CD180: variants seen among roughly 807,000 people sequenced by gnomAD.
CD180 encodes the protein CD180 molecule.
In CD180, 11 loss-of-function variants were observed where a neutral mutation model predicts 10.7. That is an observed-to-expected ratio of 1.03 (90% CI 0.65 to 1.70). CD180 has a LOEUF of 1.70. Ranked by LOEUF, CD180 falls within the 40% of genes most tolerant of loss-of-function variation. The probability of loss-of-function intolerance (pLI) is 0.00; values close to 1 mark genes in which losing one functional copy is unlikely to be tolerated. For synonymous variants in CD180, 286 were observed against 294.6 expected, an observed-to-expected ratio of 0.97 and a Z score of 0.30; for missense variants, 729 against 775.2, an observed-to-expected ratio of 0.94 and a Z score of 0.71.
rs202004217 is a variant in CD180, at chr5:67,184,529, G to A, written c.314C>T (p.Thr105Ile). ...DTFQSHHQLS[T>I]LVLTGNPLIF... ...CAGGGGATTTCCAGTTAACACAAGTGTGCTTAATTGATGATGGCTTTGAAA... is the reference window on the plus strand; with the variant it reads ...CAGGGGATTTCCAGTTAACACAAGTATGCTTAATTGATGATGGCTTTGAAA... The change falls in exon 3 of 3, where the codon ACA (threonine) becomes ATA (isoleucine). Residue 105 changes from threonine to isoleucine, a missense_variant. Thr to Ile is a moderately conservative substitution (Grantham distance 89, BLOSUM62 -1). Transcript: ENST00000256447. The A allele has an allele frequency of 1.4e-5, 22 of 1,609,074 alleles. No individual in the cohort carries two copies. The East Asian group carries it at 4.7e-4, about 34-fold the overall frequency.
chr5:67,183,454 A>T lies in CD180; in HGVS notation c.1389T>A (p.His463Gln), dbSNP rs201238605. The T allele has an allele frequency of 1.3e-5, 21 of 1,614,234 alleles. No homozygotes were observed. In the East Asian group the frequency reaches 4.5e-4, roughly 34 times the overall value. The change falls in exon 3 of 3, where the codon CAT becomes CAA. Residue 463 changes from histidine to glutamine, a missense_variant. Physicochemically the swap from His to Gln is conservative, Grantham distance 24. Transcript: ENST00000256447. Reference protein sequence around the residue: ...TYCFLDTSNQHLLAGLPVLRH... With the variant: ...TYCFLDTSNQQLLAGLPVLRH... ...GGAGAACTGGTAGGCCTGCTAGAAG[A>T]TGCTGATTGCTGGTATCAAGGAAGC...
intron 1 of CD180, among the ~76,000 whole-genome samples, chr5:67,194,231 G>T (rs1742358634): frequency 6.6e-6 from 1 of 152,100 alleles, no homozygotes; most frequent in African/African-American, 2.4e-5. Context: ...CTAAAGAAAG[G>T]TCACCCGTTA....
In CD180 at chr5:67,183,054, G is replaced by T; in HGVS notation, c.1789C>A (p.His597Asn). ...HFLTWYKENLHKLEGSEETTC... is the reference protein window; with the variant it reads ...HFLTWYKENLNKLEGSEETTC... ...GTCTCCTCCGAGCCTTCAAGTTTGT[G>T]CAGGTTTTCTTTGTACCATGTTAAG... Residue 597 changes from histidine to asparagine, a missense_variant, in exon 3 of 3, where the codon CAC (histidine) becomes AAC (asparagine). By Grantham distance (68) the His-to-Asn change is moderately conservative. Coordinates refer to ENST00000256447, the MANE Select transcript of CD180 (RefSeq NM_005582.3). 6.2e-7 allele frequency: 1 copy of T among 1,613,420 alleles called. No individual in the cohort carries two copies. The highest frequency in any genetic ancestry group is 8.5e-7 in the Non-Finnish European group (1 of 1,179,726).
rs371541622 is a variant in CD180, at chr5:67,183,844, G to A, written c.999C>T (p.Phe333=). The A allele has an allele frequency of 5.6e-5, 91 of 1,614,182 alleles. 2 individuals are homozygous for A. The South Asian group carries it at 6.3e-4, about 11-fold the overall frequency. Residue 333 remains phenylalanine (F), a synonymous_variant, in exon 3 of 3, where the codon TTC becomes TTT. Transcript: ENST00000256447. ...CAGCACTGATTTGACACAATTGATC[G>A]AAATGATTTACACTGAGAACTAATT... The part of the protein sequence containing the change: ...LKKLVLSVNH[F]DQLCQISAAN...
intron 2 of CD180, among the ~76,000 whole-genome samples, chr5:67,185,466 G>C (rs75626665): frequency 1.9e-3 from 294 of 152,188 alleles, no homozygotes; most frequent in African/African-American, 6.8e-3. Context: ...CAATTTGTAG[G>C]GGGGAAAAGT....
In CD180 at chr5:67,196,785, A is replaced by T; in HGVS notation, c.-144T>A. 1.4e-5 allele frequency: 8 copies of T among 585,810 alleles called. No individual in the cohort carries two copies. The highest frequency in any genetic ancestry group is 1.9e-5 in the Non-Finnish European group (7 of 359,990). The allele number at this position is 585,810 out of a possible 1,614,324, so 36.3% of individuals were successfully genotyped here. ...CAAGAAATGCTGTTGACTGCTCAGC[A>T]TTCTGTGGCTCTGTGCTGGAAAAAA... On this transcript the variant is annotated 5_prime_UTR_variant, in exon 1 of 3. It removes an upstream start codon present in the reference 5' UTR. Coordinates refer to ENST00000256447, the MANE Select transcript of CD180 (RefSeq NM_005582.3).
chr5:67,190,204 G>T (rs1189172117), intron 1 of CD180, among the ~76,000 whole-genome samples: 2 of 152,122 alleles, frequency 1.3e-5, no homozygotes, highest in Non-Finnish European at 2.9e-5. Flanking sequence ...CACATTTTTG[G>T]TAGAAATACT....
chr5:67,192,074 A>G (rs1742317172), intron 1 of CD180, among the ~76,000 whole-genome samples: 1 of 152,210 alleles, frequency 6.6e-6, no homozygotes, highest in Non-Finnish European at 1.5e-5. Flanking sequence ...ACAGGAAAAA[A>G]ATAAGTTGAG....
chr5:67,183,987 A>G lies in CD180; in HGVS notation c.856T>C (p.Phe286Leu). The G allele has an allele frequency of 3.1e-6, 5 of 1,614,210 alleles. No individual in the cohort carries two copies. The highest frequency in any genetic ancestry group is 4.2e-6 in the Non-Finnish European group (5 of 1,180,038). Residue 286 changes from phenylalanine to leucine, a missense_variant, in exon 3 of 3, where the codon TTC becomes CTC. By Grantham distance (22) the Phe-to-Leu change is conservative (BLOSUM62 0). Coordinates refer to ENST00000256447, the MANE Select transcript of CD180 (RefSeq NM_005582.3). Reference protein sequence around the residue: ...VESLNLQEHRFSDISSTTFQC... With the variant: ...VESLNLQEHRLSDISSTTFQC... ...AATGTGGTGGATGAGATGTCAGAGAAGCGGTGTTCCTGCAGGTTGAGGCTC... is the reference window on the plus strand; with the variant it reads ...AATGTGGTGGATGAGATGTCAGAGAGGCGGTGTTCCTGCAGGTTGAGGCTC...
rs1200008988 is a variant in CD180, at chr5:67,183,345, C to A, written c.1498G>T (p.Val500Phe). The change falls in exon 3 of 3, where the codon GTT (valine) becomes TTT (phenylalanine). Residue 500 changes from valine (V) to phenylalanine (F), a missense_variant. Transcript: ENST00000256447. Reference protein sequence around the residue: ...NLLQTVGSLEVLILSSCGLLS... With the variant: ...NLLQTVGSLEFLILSSCGLLS... ...AGACCACAAGAGGACAAAATCAGAA[C>A]CTCCAAGCTGCCCACGGTCTGAAGT... 1 of 1,614,182 alleles carries A rather than the reference C, an allele frequency of 6.2e-7. No individual in the cohort carries two copies.
At chr5:67,187,636 G>C (rs1479198729) in intron 1 of CD180, among the ~76,000 whole-genome samples, 1 of 152,206 alleles carries the variant, frequency 6.6e-6, no homozygotes, top group Non-Finnish European at 1.5e-5. Flanking sequence ...TTAAGATGAA[G>C]GGTAGTGGGG....
chr5:67,195,221 GGTTT>G (rs988044693), intron 1 of CD180, among the ~76,000 whole-genome samples: 2 of 152,012 alleles, frequency 1.3e-5, no homozygotes, highest in Non-Finnish European at 2.9e-5. Flanking sequence ...GTGTATTTTT[GGTTT>G]GTTTGTTTTA....
chr5:67,195,071 G>A lies in CD180; in HGVS notation c.90+1481C>T, dbSNP rs1374938732. 2.0e-5 allele frequency among the ~76,000 whole-genome samples: 3 copies of A among 152,214 alleles called. No individual in the cohort carries two copies. The East Asian group carries it at 5.8e-4, about 29-fold the overall frequency. ...GATGGCCATCTGCATGCCAGGGAGC[G>A]AGGGTGCAGAAGCAGCAAACTCTGC... On this transcript the variant is annotated intron_variant, in intron 1 of 2. Coordinates refer to ENST00000256447, the MANE Select transcript of CD180 (RefSeq NM_005582.3).
intron 1 of CD180, among the ~76,000 whole-genome samples, chr5:67,186,478 C>T (rs976616208): frequency 6.6e-6 from 1 of 151,882 alleles, no homozygotes; most frequent in African/African-American, 2.4e-5. Context: ...TAAAACAAAC[C>T]ATGCAAAAAC....
At chr5:67,195,665 C>T (rs892087157) in intron 1 of CD180, among the ~76,000 whole-genome samples, 5 of 152,240 alleles carry the variant, frequency 3.3e-5, no homozygotes, top group African/African-American at 1.2e-4. Context: ...CAGCTCTGAG[C>T]CTTACCCCAG....
At chr5:67,195,310 G>C (rs1248923662) in intron 1 of CD180, among the ~76,000 whole-genome samples, 1 of 152,150 alleles carries the variant, frequency 6.6e-6, no homozygotes, top group Non-Finnish European at 1.5e-5. Context: ...TCTGCCTCCC[G>C]GGTTTGAGTG....
rs528781707 is a variant in CD180, at chr5:67,181,719, G to C, written c.*1138C>G. 6.6e-6 allele frequency: 1 copy of C among 152,226 alleles called. No homozygotes were observed. Among genetic ancestry groups the C allele is most frequent in the Non-Finnish European group, 1.5e-5 (1 of 68,078 alleles). The allele number at this position is 152,226 out of a possible 1,614,324, so 9.4% of individuals were successfully genotyped here. The stretch of plus-strand genomic sequence containing the variant: ...GACTTCAGAAGATACAGGCCTGTGT[G>C]AGTATGGCCCTTTAAGCCTAAGTCA... On this transcript the variant is annotated 3_prime_UTR_variant, in exon 3 of 3. Transcript: ENST00000256447.
At position 67,184,012 on chromosome 5, in the gene CD180, C is replaced by G. The variant is rs536420835; in HGVS notation, c.831G>C (p.Glu277Asp). The G allele has an allele frequency of 5.0e-5, 80 of 1,614,076 alleles. No homozygotes were observed. The South Asian group carries it at 8.3e-4, about 17-fold the overall frequency. Reference protein sequence around the residue: ...MLKGLCEMSVESLNLQEHRFS... With the variant: ...MLKGLCEMSVDSLNLQEHRFS... ...AGCGGTGTTCCTGCAGGTTGAGGCT[C>G]TCAACAGACATTTCACAGAGTCCCT... is the stretch of plus-strand genomic sequence containing the variant. Residue 277 changes from glutamate to aspartate, a missense_variant, in exon 3 of 3, where the codon GAG becomes GAC. Coordinates refer to ENST00000256447, the MANE Select transcript of CD180 (RefSeq NM_005582.3).
intron 1 of CD180, among the ~76,000 whole-genome samples, chr5:67,190,085 T>C (rs994612358): frequency 6.6e-6 from 1 of 152,238 alleles, no homozygotes; most frequent in Non-Finnish European, 1.5e-5. Context: ...AGACAGTTCC[T>C]CAGCCTTTGT....
Sources: allele counts gnomAD v4.1 joint callset (sites outside exome capture counted in the v4.1 genomes callset), GRCh38; gene constraint gnomAD v4.1.1; transcripts MANE v1.5; gene names NCBI Gene and HGNC (gene_info 2026-07-23, HGNC 2026-07-21).